CASK: variants seen among roughly 807,000 people sequenced by gnomAD.
CASK encodes the protein peripheral plasma membrane protein CASK.
A neutral mutation model predicts 82.9 loss-of-function variants in CASK; 4 were observed. That is an observed-to-expected ratio of 0.05 (90% CI 0.02 to 0.11). CASK has a LOEUF of 0.11. Among genes scored for constraint, CASK ranks in the 10% least tolerant of loss-of-function variants. CASK has a pLI of 1.00. For synonymous variants in CASK, 259 were observed against 253.5 expected (o/e 1.02, Z -0.20); for missense variants, 358 against 720.9 (o/e 0.50, Z 5.76).
chrX:41,722,623 T>C (rs992986870), intron 5 of CASK, among the ~76,000 whole-genome samples: 9 of 112,280 alleles, frequency 8.0e-5, no homozygotes, highest in Non-Finnish European at 1.7e-4. Context: ...ATGTGGCTAA[T>C]GAATGATGGT....
At chrX:41,632,035 A>T (rs1020388639) in intron 9 of CASK, among the ~76,000 whole-genome samples, 4 of 110,974 alleles carry the variant, frequency 3.6e-5, no homozygotes, top group Non-Finnish European at 7.5e-5. Context: ...GGCTCAAGTG[A>T]TCCTCCCACC....
At chrX:41,907,808 T>C (rs1601963500) in intron 1 of CASK, among the ~76,000 whole-genome samples, 1 of 110,540 alleles carries the variant, frequency 9.0e-6, no homozygotes, top group Non-Finnish European at 1.9e-5. Context: ...AATTTTTCCA[T>C]GGACGATGGG....
intron 12 of CASK, among the ~76,000 whole-genome samples, chrX:41,602,592 T>C (rs1355799780): frequency 9.0e-6 from 1 of 110,866 alleles, no homozygotes; most frequent in East Asian, 2.8e-4. Flanking sequence ...CTTTTTCTTG[T>C]CTTAGCTGCA....
At chrX:41,574,260 C>T (rs1458171850) in intron 15 of CASK, among the ~76,000 whole-genome samples, 1 of 111,071 alleles carries the variant, frequency 9.0e-6, no homozygotes, top group African/African-American at 3.3e-5. Context: ...TCTGCCTACT[C>T]TGCCTTAGTT....
intron 5 of CASK, chrX:41,729,063 A>T (rs1182300972): frequency 1.6e-5 from 2 of 123,583 alleles, no homozygotes; most frequent in East Asian, 5.6e-4. Context: ...GTTATTAGTG[A>T]CAAACAGTAC....
intron 8 of CASK, among the ~76,000 whole-genome samples, chrX:41,649,627 A>G (rs1201709421): frequency 8.9e-6 from 1 of 111,905 alleles, no homozygotes; most frequent in African/African-American, 3.3e-5. Context: ...ACAGTTTGTT[A>G]TAATTTCTGT....
chrX:41,567,799 T>C lies in CASK; in HGVS notation c.1582+1869A>G, dbSNP rs769472606. On this transcript the variant is annotated intron_variant, in intron 16 of 26. Transcript: ENST00000378163. Reference sequence around the variant, plus strand: ...AAAGACACATGCACACGTATGTTTATTGCAGCACTATTTACAATAGCAAAG... The same window carrying C: ...AAAGACACATGCACACGTATGTTTACTGCAGCACTATTTACAATAGCAAAG... Among the ~76,000 whole-genome samples, 3 of 111,615 alleles carry C rather than the reference T, an allele frequency of 2.7e-5. No individual in the cohort carries two copies. In the South Asian group the frequency reaches 1.1e-3, roughly 42 times the overall value.
chrX:41,729,893 C>T (rs1460384606), intron 5 of CASK: 8 of 104,845 alleles, frequency 7.6e-5, no homozygotes, highest in Non-Finnish European at 1.6e-4. Flanking sequence ...ATAAGCATTT[C>T]TTAATGTTAA....
chrX:41,644,744 G>A (rs1046277123), intron 8 of CASK, among the ~76,000 whole-genome samples: 1 of 111,708 alleles, frequency 9.0e-6, no homozygotes, highest in Admixed American at 9.6e-5. Context: ...AAGAGAATGC[G>A]CACCTAGGAG....
At chrX:41,673,834 T>G (rs1309954043) in intron 5 of CASK, among the ~76,000 whole-genome samples, 1 of 95,301 alleles carries the variant, frequency 1.0e-5, no homozygotes, top group Non-Finnish European at 2.2e-5. Flanking sequence ...TGGGTGTTTT[T>G]TTTTTTTTTT....
At position 41,578,454 on chromosome X, in the gene CASK, GGGA is replaced by G; in HGVS notation, c.1386_1388del (p.Pro463del). On this transcript the variant is annotated inframe_deletion, in exon 15 of 27. Transcript: ENST00000378163. ...AATCGCCGTTTAAATAGGGAGAGGTGGGAGGAGGTGTGACCCTCAATGCTTCAT... is the reference window on the plus strand; with the variant it reads ...AATCGCCGTTTAAATAGGGAGAGGTGGGAGGTGTGACCCTCAATGCTTCAT... The G allele has an allele frequency of 8.3e-7, 1 of 1,204,878 alleles. No homozygotes were observed. Among genetic ancestry groups the G allele is most frequent in the Non-Finnish European group, 1.1e-6 (1 of 889,241 alleles).
chrX:41,679,870 T>C (rs961605100), intron 5 of CASK, among the ~76,000 whole-genome samples: 42 of 111,858 alleles, frequency 3.8e-4, no homozygotes, highest in African/African-American at 1.3e-3. Flanking sequence ...GAATCAGCCA[T>C]TTCTCTAAGT....
intron 2 of CASK, among the ~76,000 whole-genome samples, chrX:41,834,545 G>A (rs2070893573): frequency 9.0e-6 from 1 of 110,797 alleles, no homozygotes; most frequent in Non-Finnish European, 1.9e-5. Context: ...CCTTCCCCCA[G>A]GCCTTCCCAC....
rs774853876 is a variant in CASK at position 41,543,297 on chromosome X, GAA to G, written c.2040-493_2040-492del. Among the ~76,000 whole-genome samples, 8 of 112,532 alleles carry G rather than the reference GAA, an allele frequency of 7.1e-5. No individual in the cohort carries two copies. In the South Asian group the frequency reaches 2.9e-3, roughly 41 times the overall value. ...GCCCCAAATCACACAGCTAATAAGTGAAAGAGTGGGGAAGGTCTGGCACCAGA... is the reference window on the plus strand; with the variant it reads ...GCCCCAAATCACACAGCTAATAAGTGAGAGTGGGGAAGGTCTGGCACCAGA... On this transcript the variant is annotated intron_variant, in intron 21 of 26. Coordinates refer to ENST00000378163, the MANE Select transcript of CASK (RefSeq NM_001367721.1).
chrX:41,710,081 TTGTGTGTGTGTG>T lies in CASK; in HGVS notation c.429+29291_429+29302del, dbSNP rs57963407. On this transcript the variant is annotated intron_variant, in intron 5 of 26. Transcript: ENST00000378163. ...GTCACTGTTTCCCAGGGTATAGATT[TTGTGTGTGTGTG>T]TGTGTGTGTGTGTGTGTGTGTGTGT... is the stretch of plus-strand genomic sequence containing the variant. 6.8e-3 allele frequency among the ~76,000 whole-genome samples: 494 copies of T among 72,164 alleles called. 4 individuals carry two copies. The highest frequency in any genetic ancestry group is 0.024 in the African/African-American group (441 of 18,291). The allele number at this position is 72,164 out of a possible 115,157, so 62.7% of individuals were successfully genotyped here. A position where few individuals can be genotyped will look rare whatever the true frequency, so the allele number is the denominator to read the frequency against.
chrX:41,707,556 T>C (rs1432486534), intron 5 of CASK, among the ~76,000 whole-genome samples: 2 of 112,272 alleles, frequency 1.8e-5, no homozygotes, highest in African/African-American at 6.5e-5. Context: ...AATAGATAAA[T>C]GATGCATAAA....
chrX:41,534,040 T>C (rs1193449692), intron 24 of CASK, among the ~76,000 whole-genome samples: 2 of 111,910 alleles, frequency 1.8e-5, no homozygotes, highest in Non-Finnish European at 3.8e-5. Context: ...ATCTGCTAAG[T>C]GCTTCATACA....
At chrX:41,781,482 AATTTT>A (rs773196332) in intron 3 of CASK, among the ~76,000 whole-genome samples, 29 of 112,070 alleles carry the variant, frequency 2.6e-4, no homozygotes, top group African/African-American at 8.8e-4. Context: ...TAACTGACCT[AATTTT>A]ATTTTATTTT....
chrX:41,612,760 GT>G (rs2066108494), intron 11 of CASK, among the ~76,000 whole-genome samples: 1 of 87,962 alleles, frequency 1.1e-5, no homozygotes, highest in Non-Finnish European at 2.3e-5. Flanking sequence ...GTGGGGGGGG[GT>G]CAACCCCCCG....
Sources: gnomAD v4.1 joint callset for allele counts (sites outside exome capture counted in the v4.1 genomes callset) on GRCh38, gnomAD v4.1.1 for gene constraint, MANE v1.5 for transcripts, NCBI Gene and HGNC (gene_info 2026-07-23, HGNC 2026-07-21) for gene names.